Variants in ZNF560 observed in about 807,000 individuals in gnomAD.
ZNF560 encodes zinc finger protein 560.
ZNF560 carries 54 observed loss-of-function variants against 81.8 expected under a neutral mutation model. The observed-to-expected ratio is 0.66, with a 90% confidence interval of 0.53 to 0.83. The LOEUF (loss-of-function observed/expected upper bound fraction) is 0.83. ZNF560 is among the 40% of genes least tolerant of loss of function. The probability of loss-of-function intolerance (pLI) is 0.00; values close to 1 mark genes in which losing one functional copy is unlikely to be tolerated. For synonymous variants in ZNF560, 321 were observed against 317.9 expected, an observed-to-expected ratio of 1.01 and a Z score of -0.10; for missense variants, 940 against 932.4, an observed-to-expected ratio of 1.01 and a Z score of -0.11.
intron 2 of ZNF560, among the ~76,000 whole-genome samples, chr19:9,479,917 C>T (rs1303990460): frequency 2.0e-5 from 3 of 152,042 alleles, no homozygotes; most frequent in Admixed American, 2.0e-4. Flanking sequence ...ACAAATCCCC[C>T]ACAGATTCCA....
chr19:9,497,695 G>A (rs895222171), intron 2 of ZNF560, among the ~76,000 whole-genome samples: 3 of 152,076 alleles, frequency 2.0e-5, no homozygotes, highest in African/African-American at 7.2e-5. Flanking sequence ...GGTACTGGAT[G>A]GTCAACATAC....
upstream of ZNF560, among the ~76,000 whole-genome samples, chr19:9,503,379 T>C (rs1454581599): frequency 2.0e-5 from 3 of 152,184 alleles, no homozygotes; most frequent in Non-Finnish European, 4.4e-5. Context: ...TTTTTTCTTA[T>C]AGCTCTAGAG....
chr19:9,477,297 A>T (rs1285474900), intron 2 of ZNF560, among the ~76,000 whole-genome samples: 1 of 151,914 alleles, frequency 6.6e-6, no homozygotes, highest in Non-Finnish European at 1.5e-5. Context: ...AACACAAATG[A>T]CTCTTCTAAT....
At position 9,467,519 on chromosome 19, in the gene ZNF560, A is replaced by G; in HGVS notation, c.1428T>C (p.Ile476=). The G allele has an allele frequency of 6.2e-7, 1 of 1,614,152 alleles. No homozygotes were observed. The highest frequency in any genetic ancestry group is 1.1e-5 in the South Asian group (1 of 91,078). The change falls in exon 10 of 10, where the codon ATT becomes ATC. Residue 476 remains isoleucine (I), a synonymous_variant. Transcript: ENST00000301480. ...GTCCTGTGTTACTTCTTCTATCTTCAATAACACCTGAGGATGTACCAAAGG... is the reference window on the plus strand; with the variant it reads ...GTCCTGTGTTACTTCTTCTATCTTCGATAACACCTGAGGATGTACCAAAGG... ...GKAFGTSSGV[I]EDRRSNTGQK...
upstream of ZNF560, among the ~76,000 whole-genome samples, chr19:9,499,522 C>T (rs1333962284): frequency 6.6e-6 from 1 of 151,978 alleles, no homozygotes; most frequent in East Asian, 1.9e-4. Context: ...TTTTCTTCTT[C>T]AACAATGTAT....
At chr19:9,486,604 G>C (rs2073388042) in intron 2 of ZNF560, among the ~76,000 whole-genome samples, 1 of 152,022 alleles carries the variant, frequency 6.6e-6, no homozygotes, top group Non-Finnish European at 1.5e-5. Flanking sequence ...GCCAAGCGTG[G>C]TGGCAGGTGC....
intron 3 of ZNF560, among the ~76,000 whole-genome samples, chr19:9,474,823 ATTTTTTTTTTT>A (rs35450965): frequency 1.2e-5 from 1 of 85,684 alleles, no homozygotes; most frequent in Non-Finnish European, 2.2e-5. Flanking sequence ...CATGCCTGGC[ATTTTTTTTTTT>A]TTTTTTTTTT....
At chr19:9,450,122 C>T in the ZNF560 span, among the ~76,000 whole-genome samples, 1 of 151,590 alleles carries the variant, frequency 6.6e-6, no homozygotes, top group East Asian at 1.9e-4. Context: ...GAAACCCTGT[C>T]TCTATTAAAA....
chr19:9,489,404 G>A (rs907207033), intron 2 of ZNF560, among the ~76,000 whole-genome samples: 2 of 150,802 alleles, frequency 1.3e-5, no homozygotes, highest in African/African-American at 2.4e-5. Flanking sequence ...CCCAGACGGT[G>A]TGGTGGCTGA....
downstream of ZNF560, among the ~76,000 whole-genome samples, chr19:9,464,633 TGGA>T (rs557120413): frequency 8.5e-4 from 129 of 152,306 alleles, no homozygotes; most frequent in African/African-American, 2.9e-3. Context: ...CCACTACAGG[TGGA>T]CCATGTCTAA....
chr19:9,466,208 T>A (rs953708002), downstream of ZNF560, among the ~76,000 whole-genome samples: 6 of 150,688 alleles, frequency 4.0e-5, no homozygotes, highest in African/African-American at 1.5e-4. Flanking sequence ...TAGCCAGGTG[T>A]GGTGGTGCAT....
the ZNF560 span, among the ~76,000 whole-genome samples, chr19:9,449,014 C>T: frequency 6.6e-6 from 1 of 152,198 alleles, no homozygotes; most frequent in Non-Finnish European, 1.5e-5. Context: ...ATTCATAAAA[C>T]AAGTACTTCT....
At chr19:9,463,358 G>A (rs2072964442), downstream of ZNF560, among the ~76,000 whole-genome samples, 1 of 152,156 alleles carries the variant, frequency 6.6e-6, no homozygotes, top group African/African-American at 2.4e-5. Flanking sequence ...ATTAGTCCAA[G>A]CACCAGGATG....
intron 2 of ZNF560, among the ~76,000 whole-genome samples, chr19:9,494,261 C>A (rs529701074): frequency 6.6e-6 from 1 of 151,952 alleles, no homozygotes; most frequent in African/African-American, 2.4e-5. Flanking sequence ...ATAAGAGAAT[C>A]AAAGTGTGTA....
At chr19:9,506,222 A>G in the ZNF560 span, among the ~76,000 whole-genome samples, 2 of 152,008 alleles carry the variant, frequency 1.3e-5, no homozygotes, top group Non-Finnish European at 2.9e-5. Context: ...CGAACTCCTG[A>G]CTTCAGGTGA....
downstream of ZNF560, among the ~76,000 whole-genome samples, chr19:9,463,475 G>A (rs891940641): frequency 3.3e-5 from 5 of 152,120 alleles, no homozygotes. Context: ...GAGACAATCA[G>A]GATGGCATCT....
chr19:9,498,207 C>A lies in ZNF560; in HGVS notation c.-136G>T, dbSNP rs2073592746. ...TCAATCGAACGCGAACGGCAAAATT[C>A]TTTTCCCTCTGAAACACAATTCACA... On this transcript the variant is annotated 5_prime_UTR_variant, in exon 2 of 10. Transcript: ENST00000301480. 1 of 152,222 alleles carries A rather than the reference C, an allele frequency of 6.6e-6. No homozygotes were observed. Among genetic ancestry groups the A allele is most frequent in the Non-Finnish European group, 1.5e-5 (1 of 68,046 alleles). The allele number at this position is 152,222 out of a possible 1,614,324, so 9.4% of individuals were successfully genotyped here.
intron 2 of ZNF560, among the ~76,000 whole-genome samples, chr19:9,476,439 C>T (rs1599660259): frequency 6.6e-6 from 1 of 152,112 alleles, no homozygotes; most frequent in Non-Finnish European, 1.5e-5. Context: ...ATTACAGGCA[C>T]GTGCCACCAG....
the ZNF560 span, among the ~76,000 whole-genome samples, chr19:9,448,649 AAAAC>A: frequency 6.6e-6 from 1 of 152,142 alleles, no homozygotes. Flanking sequence ...TAGAAACTAT[AAAAC>A]AACCACCTAA....
Sources: allele counts gnomAD v4.1 joint callset (sites outside exome capture counted in the v4.1 genomes callset), GRCh38; gene constraint gnomAD v4.1.1; transcripts MANE v1.5; gene names NCBI Gene and HGNC (gene_info 2026-07-23, HGNC 2026-07-21).